The following ELFN2 variants were observed in gnomAD, a reference collection of about 807,000 sequenced individuals.
ELFN2 encodes extracellular leucine rich repeat and fibronectin type III domain containing 2.
Under a neutral mutation model 45.5 loss-of-function variants are expected in ELFN2, and 17 were observed. The observed-to-expected ratio is 0.37, with a 90% CI of 0.26 to 0.56. The LOEUF is 0.56. Among genes scored for constraint, ELFN2 ranks in the 20% least tolerant of loss-of-function variants. ELFN2 has a pLI of 0.77. For missense variants in ELFN2, 922 were observed against 1,183.2 expected, an observed-to-expected ratio of 0.78 and a Z score of 3.24; for synonymous variants, 550 against 551.5, an observed-to-expected ratio of 1.00 and a Z score of 0.04.
intron 2 of ELFN2, among the ~76,000 whole-genome samples, chr22:37,388,984 A>G (rs1383366161): frequency 6.6e-6 from 1 of 152,204 alleles, no homozygotes; most frequent in Admixed American, 6.5e-5. Context: ...GAACTCTTTC[A>G]GGGGGAGGTA....
chr22:37,362,949 C>A, intron 1 of ELFN2, among the ~76,000 whole-genome samples: 1 of 152,166 alleles, frequency 6.6e-6, no homozygotes, highest in East Asian at 1.9e-4. Context: ...GAATGAGAGT[C>A]CACAGCCCAT....
Position 37,374,295 on chromosome 22 carries a change from C to T in ELFN2, c.1240G>A (p.Ala414Thr). The T allele has an allele frequency of 6.2e-7, 1 of 1,613,910 alleles. No homozygotes were observed. Among genetic ancestry groups the T allele is most frequent in the Non-Finnish European group, 8.5e-7 (1 of 1,179,934 alleles). ...CLFGMVIVLG[A>T]VYYCLRKRRM... Reference sequence around the variant, plus strand: ...CGCTTGCGCAGGCAGTAGTACACGGCTCCCAGCACGATAACCATGCCAAAG... The same window carrying T: ...CGCTTGCGCAGGCAGTAGTACACGGTTCCCAGCACGATAACCATGCCAAAG... Residue 414 changes from alanine to threonine, a missense_variant, in exon 3 of 3, where the codon GCC becomes ACC. Ala to Thr is a moderately conservative substitution (Grantham distance 58). Around this residue, in one of 2 missense-constraint regions of ELFN2, gnomAD observed 564 missense variants for 642.8 expected, o/e 0.88. Coordinates refer to ENST00000402918, the MANE Select transcript of ELFN2 (RefSeq NM_052906.5).
In ELFN2 at chr22:37,372,881, T is replaced by C; in HGVS notation, c.*191A>G. On this transcript the variant is annotated 3_prime_UTR_variant, in exon 3 of 3. Coordinates refer to ENST00000402918, the MANE Select transcript of ELFN2 (RefSeq NM_052906.5). The surrounding 1 kb of genome is among the most constrained non-coding windows in gnomAD (Gnocchi z 4.4). ...GTGTCTCTGTTTTCCTGTCCGTTAT[T>C]GTCGGATGTTGGTTTGTTCACAGTC... is the stretch of plus-strand genomic sequence containing the variant. 1 of 603,518 alleles carries C rather than the reference T, an allele frequency of 1.7e-6. No homozygotes were observed. Among genetic ancestry groups the C allele is most frequent in the Non-Finnish European group, 2.8e-6 (1 of 351,530 alleles). 37.4% of individuals were successfully genotyped at this position (603,518 alleles called of 1,614,324 possible).
Position 37,370,546 on chromosome 22 carries a change from G to C in ELFN2, c.*2526C>G, listed in dbSNP as rs1417059556. The stretch of plus-strand genomic sequence containing the variant: ...CACCGGGACAAGAGCCCTTGAGGAG[G>C]CTTCCCTGGGGCTGCCCTCCCTGGC... On this transcript the variant is annotated 3_prime_UTR_variant, in exon 3 of 3. Coordinates refer to ENST00000402918, the MANE Select transcript of ELFN2 (RefSeq NM_052906.5). The C allele has an allele frequency of 6.6e-6, 1 of 152,490 alleles. No individual in the cohort carries two copies. Among genetic ancestry groups the C allele is most frequent in the African/African-American group, 2.4e-5 (1 of 41,442 alleles). The allele number at this position is 152,490 out of a possible 1,614,324, so 9.4% of individuals were successfully genotyped here.
intron 2 of ELFN2, among the ~76,000 whole-genome samples, chr22:37,400,618 C>T (rs1932338070): frequency 6.6e-6 from 1 of 152,202 alleles, no homozygotes; most frequent in African/African-American, 2.4e-5. Context: ...CTCAGCCTCC[C>T]CACCCACCCT....
intron 1 of ELFN2, among the ~76,000 whole-genome samples, chr22:37,421,614 G>A (rs1005736809): frequency 1.3e-5 from 2 of 152,198 alleles, no homozygotes; most frequent in African/African-American, 4.8e-5. Flanking sequence ...TCCTCTCTGG[G>A]GGTTCCTGCC....
At chr22:37,387,693 C>A (rs78073166) in intron 2 of ELFN2, among the ~76,000 whole-genome samples, 29 of 152,236 alleles carry the variant, frequency 1.9e-4, no homozygotes, top group African/African-American at 6.3e-4. Context: ...CCTCCCAGGC[C>A]GCGGCCCCTC....
chr22:37,426,381 C>T (rs1004581315), intron 1 of ELFN2, among the ~76,000 whole-genome samples: 1 of 152,134 alleles, frequency 6.6e-6, no homozygotes, highest in South Asian at 2.1e-4. Flanking sequence ...CACATCAGCT[C>T]CCTTCCCTCC....
Position 37,374,630 on chromosome 22 carries a change from T to C in ELFN2, c.905A>G (p.His302Arg). The stretch of plus-strand genomic sequence containing the variant: ...GGTGGCCGAGGTGAACGTGACGTGG[T>C]GCAGCTTGATGGCTGGCCCTGCCGA... ...DASAGPAIKLHHVTFTSATLV... is the reference protein window; with the variant it reads ...DASAGPAIKLRHVTFTSATLV... The change falls in exon 3 of 3, where the codon CAC becomes CGC. Residue 302 changes from histidine (H) to arginine (R), a missense_variant. Physicochemically the swap from His to Arg is conservative, Grantham distance 29. Coordinates refer to ENST00000402918, the MANE Select transcript of ELFN2 (RefSeq NM_052906.5). 3.1e-6 allele frequency: 5 copies of C among 1,614,070 alleles called. No homozygotes were observed. The highest frequency in any genetic ancestry group is 4.2e-6 in the Non-Finnish European group (5 of 1,179,926).
chr22:37,367,916 T>C (rs1013834746), downstream of ELFN2: 45 of 152,750 alleles, frequency 2.9e-4, no homozygotes, highest in African/African-American at 1.0e-3. Context: ...CCGAGCGTCA[T>C]GGCAGTGCAA....
At chr22:37,349,400 G>A (rs927330726) in intron 1 of ELFN2, among the ~76,000 whole-genome samples, 1 of 151,236 alleles carries the variant, frequency 6.6e-6, no homozygotes, top group Non-Finnish European at 1.5e-5. Context: ...ACCTGCCCCA[G>A]TTTGGGGCAG....
intron 1 of ELFN2, among the ~76,000 whole-genome samples, chr22:37,361,948 G>A (rs942567464): frequency 3.3e-5 from 5 of 152,148 alleles, no homozygotes; most frequent in African/African-American, 1.2e-4. Flanking sequence ...CATAGAGACT[G>A]CCACCCCACG....
At chr22:37,365,504 C>T (rs1310907285), downstream of ELFN2, among the ~76,000 whole-genome samples, 1 of 152,116 alleles carries the variant, frequency 6.6e-6, no homozygotes, top group Admixed American at 6.5e-5. Context: ...CCTGCCCGGG[C>T]TGGAGAGGGC....
At chr22:37,357,722 C>G (rs905195514) in intron 1 of ELFN2, among the ~76,000 whole-genome samples, 6 of 152,168 alleles carry the variant, frequency 3.9e-5, no homozygotes, top group Non-Finnish European at 7.4e-5. Context: ...GCCCTAGAAC[C>G]CCCTAGAGTG....
intron 1 of ELFN2, among the ~76,000 whole-genome samples, chr22:37,357,790 C>T (rs77780937): frequency 0.045 from 6,851 of 152,238 alleles, 372 homozygotes; most frequent in African/African-American, 0.12. Flanking sequence ...TCTGTTTTTA[C>T]CAACTTCCCT....
chr22:37,394,372 T>C (rs2145662800), intron 2 of ELFN2, among the ~76,000 whole-genome samples: 1 of 152,264 alleles, frequency 6.6e-6, no homozygotes, highest in South Asian at 2.1e-4. Flanking sequence ...GAGGCCTCTT[T>C]CTTAATACCC....
At chr22:37,412,277 CAAAAAAAA>C (rs56073200) in intron 2 of ELFN2, among the ~76,000 whole-genome samples, 1 of 92,306 alleles carries the variant, frequency 1.1e-5, no homozygotes, top group African/African-American at 4.4e-5. Context: ...AACTCCGTCT[CAAAAAAAA>C]AAAAAAAAAA....
chr22:37,354,672 A>T (rs1195172400), intron 1 of ELFN2: 1 of 149,148 alleles, frequency 6.7e-6, no homozygotes, highest in East Asian at 2.0e-4. Flanking sequence ...TGGGGTTCTT[A>T]TGGGGTTTTT....
intron 2 of ELFN2, among the ~76,000 whole-genome samples, chr22:37,386,392 C>T (rs920588181): frequency 6.6e-6 from 1 of 152,206 alleles, no homozygotes; most frequent in Non-Finnish European, 1.5e-5. Flanking sequence ...CCTAGCATGG[C>T]CCAGCACCCA....
Sources: gnomAD v4.1 joint callset for allele counts (sites outside exome capture counted in the v4.1 genomes callset) on GRCh38, gnomAD v4.1.1 for gene constraint, gnomAD v4.1.1 regional missense constraint, Gnocchi (gnomAD v3.1) non-coding constraint, MANE v1.5 for transcripts, NCBI Gene and HGNC (gene_info 2026-07-23, HGNC 2026-07-21) for gene names.